SUCLG2: variants seen among roughly 807,000 people sequenced by gnomAD.
The protein encoded by SUCLG2 is succinate--CoA ligase [GDP-forming] subunit beta, mitochondrial.
SUCLG2 carries 42 observed loss-of-function variants against 47.9 expected under a neutral mutation model. The ratio of observed to expected loss-of-function variants is 0.88; its 90% CI spans 0.69 to 1.14. The LOEUF (loss-of-function observed/expected upper bound fraction) is 1.14, where lower values mean the gene tolerates loss of function less well. Ranked by LOEUF, SUCLG2 falls within the 50% of genes most tolerant of loss-of-function variation. The probability of loss-of-function intolerance (pLI) is 0.00; values close to 1 mark genes in which losing one functional copy is unlikely to be tolerated. For synonymous variants in SUCLG2, 195 were observed against 197.3 expected (o/e 0.99, Z 0.10); for missense variants, 571 against 525.9 (o/e 1.09, Z -0.84).
chr3:67,534,109 G>A (rs1432341475), intron 2 of SUCLG2, among the ~76,000 whole-genome samples: 1 of 152,068 alleles, frequency 6.6e-6, no homozygotes, highest in Non-Finnish European at 1.5e-5. Context: ...CCATCTCCAG[G>A]ACAAGGATTT....
chr3:67,642,679 G>C (rs1448679207), intron 1 of SUCLG2, among the ~76,000 whole-genome samples: 1 of 152,082 alleles, frequency 6.6e-6, no homozygotes, highest in Non-Finnish European at 1.5e-5. Context: ...TTCCTCCTAG[G>C]GCTGCCATGA....
downstream of SUCLG2, among the ~76,000 whole-genome samples, chr3:67,372,443 A>T (rs890465139): frequency 6.6e-6 from 1 of 152,142 alleles, no homozygotes; most frequent in Non-Finnish European, 1.5e-5. Flanking sequence ...ACAATGCATG[A>T]CATACTTACT....
At chr3:67,491,205 A>C (rs1278861962) in intron 9 of SUCLG2, among the ~76,000 whole-genome samples, 1 of 149,378 alleles carries the variant, frequency 6.7e-6, no homozygotes, top group East Asian at 2.0e-4. Flanking sequence ...CTTTAGTCCC[A>C]GCTACTCAGG....
intron 2 of SUCLG2, among the ~76,000 whole-genome samples, chr3:67,573,006 T>C (rs2634727): frequency 0.7 from 105,745 of 151,936 alleles, 38,342 homozygotes; most frequent in Non-Finnish European, 0.8. Context: ...CAAAGATCAA[T>C]TGTATTTCAA....
At chr3:67,436,707 A>G (rs1310232204) in intron 9 of SUCLG2, among the ~76,000 whole-genome samples, 2 of 152,196 alleles carry the variant, frequency 1.3e-5, no homozygotes, top group African/African-American at 4.8e-5. Context: ...GTATTTTTGT[A>G]TAAACATCTC....
intron 2 of SUCLG2, among the ~76,000 whole-genome samples, chr3:67,576,307 G>A (rs1021488142): frequency 6.6e-6 from 1 of 152,014 alleles, no homozygotes; most frequent in African/African-American, 2.4e-5. Context: ...GCGACTCTCT[G>A]AAGAGAGAGA....
intron 9 of SUCLG2, among the ~76,000 whole-genome samples, chr3:67,491,349 C>A (rs368098318): frequency 1.4e-5 from 2 of 140,734 alleles, no homozygotes; most frequent in African/African-American, 5.4e-5. Flanking sequence ...TGTTTTATTT[C>A]TTTTTCTTTT....
At chr3:67,547,932 G>A (rs999328119) in intron 2 of SUCLG2, among the ~76,000 whole-genome samples, 9 of 152,096 alleles carry the variant, frequency 5.9e-5, no homozygotes, top group Non-Finnish European at 1.2e-4. Context: ...AGTTTCTACC[G>A]AAGGACGACA....
At chr3:67,533,862 T>C (rs189372660) in intron 2 of SUCLG2, among the ~76,000 whole-genome samples, 132 of 152,302 alleles carry the variant, frequency 8.7e-4, no homozygotes, top group Non-Finnish European at 1.5e-3. Flanking sequence ...AAGGCATCTT[T>C]GAGACTGAAA....
intron 10 of SUCLG2, among the ~76,000 whole-genome samples, chr3:67,377,496 C>T (rs74461114): frequency 3.3e-5 from 5 of 152,208 alleles, no homozygotes; most frequent in East Asian, 3.9e-4. Context: ...CCCTGCATCT[C>T]GAAGGGGACA....
At chr3:67,604,072 G>C (rs1414336796) in intron 2 of SUCLG2, among the ~76,000 whole-genome samples, 1 of 152,158 alleles carries the variant, frequency 6.6e-6, no homozygotes, top group Non-Finnish European at 1.5e-5. Context: ...AAACAAATTT[G>C]CTCTCTCAGA....
At chr3:67,408,660 T>C (rs1032272437) in intron 9 of SUCLG2, 11 of 1,103,018 alleles carry the variant, frequency 1.0e-5, no homozygotes, top group Non-Finnish European at 1.1e-5. Flanking sequence ...CTCTTCTTCC[T>C]AAATTCTTCA....
At chr3:67,611,057 G>A (rs1240632261) in intron 1 of SUCLG2, among the ~76,000 whole-genome samples, 1 of 152,120 alleles carries the variant, frequency 6.6e-6, no homozygotes, top group African/African-American at 2.4e-5. Flanking sequence ...TTTGTCTCCT[G>A]ATATGGACAA....
intron 2 of SUCLG2, among the ~76,000 whole-genome samples, chr3:67,568,055 T>C (rs1707507497): frequency 6.6e-6 from 1 of 152,208 alleles, no homozygotes. Context: ...TGGTGACCAG[T>C]CTTCAGTGAC....
chr3:67,578,816 GA>G (rs987799287), intron 2 of SUCLG2, among the ~76,000 whole-genome samples: 69 of 152,252 alleles, frequency 4.5e-4, no homozygotes, highest in African/African-American at 1.6e-3. Flanking sequence ...ACATTAGCGG[GA>G]ACAGCCTGAG....
intron 8 of SUCLG2, 135 bp downstream of exon 8, chr3:67,497,999 T>C: frequency 3.4e-6 from 3 of 886,268 alleles, no homozygotes; most frequent in Non-Finnish European, 5.0e-6. Context: ...GAAACTTGGA[T>C]ACTTTCCTAA....
At chr3:67,406,818 C>T (rs374726096) in intron 9 of SUCLG2, among the ~76,000 whole-genome samples, 2 of 152,270 alleles carry the variant, frequency 1.3e-5, no homozygotes, top group African/African-American at 4.8e-5. Context: ...ATTTATTGAG[C>T]ATCTACAATG....
chr3:67,440,036 T>C (rs1703719112), intron 9 of SUCLG2, among the ~76,000 whole-genome samples: 1 of 152,090 alleles, frequency 6.6e-6, no homozygotes. Context: ...AACAGATATA[T>C]AGACCGATGG....
intron 2 of SUCLG2, among the ~76,000 whole-genome samples, chr3:67,563,553 A>T (rs1178628358): frequency 1.3e-5 from 2 of 152,210 alleles, no homozygotes; most frequent in African/African-American, 4.8e-5. Flanking sequence ...GTTCAGTGAA[A>T]AAATGGCAAA....
Sources: allele counts gnomAD v4.1 joint callset (sites outside exome capture counted in the v4.1 genomes callset), GRCh38; gene constraint gnomAD v4.1.1; transcripts MANE v1.5; gene names NCBI Gene and HGNC (gene_info 2026-07-23, HGNC 2026-07-21).